The following DNAH1 variants were observed in gnomAD, a reference collection of about 807,000 sequenced individuals.
DNAH1 encodes the protein axonemal beta dynein heavy chain 1.
A neutral mutation model predicts 484.3 loss-of-function variants in DNAH1; 327 were observed. The observed-to-expected ratio is 0.68, with a 90% CI of 0.62 to 0.74. DNAH1 has a LOEUF of 0.74. Among genes scored for constraint, DNAH1 ranks in the 30% least tolerant of loss-of-function variants. DNAH1 has a pLI of 0.00. For synonymous variants in DNAH1, 2,192 were observed against 2,191.9 expected, an observed-to-expected ratio of 1.00 and a Z score of 0.00; for missense variants, 5,052 against 5,546.8, an observed-to-expected ratio of 0.91 and a Z score of 2.83.
intron 16 of DNAH1, among the ~76,000 whole-genome samples, chr3:52,351,325 C>T (rs936234813): frequency 1.3e-5 from 2 of 152,222 alleles, no homozygotes; most frequent in South Asian, 2.1e-4. Context: ...TGCCCTTTTC[C>T]TGCCAAGCCT....
chr3:52,392,787 C>A, intron 64 of DNAH1, 43 bp from the exon 65 acceptor site: 2 of 1,502,730 alleles, frequency 1.3e-6, no homozygotes, highest in Non-Finnish European at 1.8e-6. Context: ...AAACCCCCTA[C>A]CTTCTGCTCT....
Position 52,353,275 on chromosome 3 carries a change from G to A in DNAH1, c.3200G>A (p.Cys1067Tyr), listed in dbSNP as rs1469898654. The change falls in exon 19 of 78, where the codon TGC becomes TAC. Residue 1067 changes from cysteine to tyrosine, a missense_variant. By Grantham distance (194) the Cys-to-Tyr change is radical (BLOSUM62 -2). Coordinates refer to ENST00000420323, the MANE Select transcript of DNAH1 (RefSeq NM_015512.5). This position sits in a 1 kb window ranked among gnomAD's most constrained non-coding sequence, Gnocchi z 5.0. ...GAAGCCTTCAAGACCATGCACAAGT[G>A]CGTGAAGCAGTTTAAGGACATGCCA... ...VVEAFKTMHK[C>Y]VKQFKDMPAC... 6.2e-7 allele frequency: 1 copy of A among 1,613,956 alleles called. No homozygotes were observed. Among genetic ancestry groups the A allele is most frequent in the East Asian group, 2.2e-5 (1 of 44,890 alleles).
Position 52,346,576 on chromosome 3 carries a change from C to T in DNAH1, c.1761C>T (p.Asn587=). 1 of 1,614,082 alleles carries T rather than the reference C, an allele frequency of 6.2e-7. No homozygotes were observed. The highest frequency in any genetic ancestry group is 1.3e-5 in the African/African-American group (1 of 75,072). ...GCTGGTACAACCTCTACGAGACCAA[C>T]TGGGAGGTGTACCTCATGTCCAAGC... ...SKGWYNLYET[N]WEVYLMSKLR... Residue 587 remains asparagine, a synonymous_variant, in exon 11 of 78, where the codon AAC becomes AAT. Transcript: ENST00000420323.
intron 73 of DNAH1, among the ~76,000 whole-genome samples, chr3:52,397,382 TGAG>T (rs1054092693): frequency 3.9e-5 from 6 of 151,908 alleles, no homozygotes; most frequent in Non-Finnish European, 7.4e-5. Flanking sequence ...CTAAGATGTG[TGAG>T]GAGAAGCCAT....
intron 52 of DNAH1, 21 bp downstream of exon 52, chr3:52,384,052 C>G (rs774237366): frequency 6.3e-7 from 1 of 1,577,452 alleles, no homozygotes; most frequent in Admixed American, 1.8e-5. Context: ...TGCTGAAGCT[C>G]AGGCCCTTGG....
At position 52,366,811 on chromosome 3, in the gene DNAH1, A is replaced by C. The variant is rs1466976606; in HGVS notation, c.5689A>C (p.Asn1897His). The C allele has an allele frequency of 6.2e-7, 1 of 1,613,930 alleles. No homozygotes were observed. Among genetic ancestry groups the C allele is most frequent in the Non-Finnish European group, 8.5e-7 (1 of 1,179,860 alleles). ...SISGGMYEAV[N>H]YYVLNPKSIT... ...CAGTGGTGGCATGTACGAGGCTGTC[A>C]ACTACTACGTGCTCAACCCCAAGTC... The change falls in exon 36 of 78, where the codon AAC becomes CAC. Residue 1897 changes from asparagine to histidine, a missense_variant. Physicochemically the swap from Asn to His is moderately conservative, Grantham distance 68. Transcript: ENST00000420323.
Position 52,353,570 on chromosome 3 carries a change from G to A in DNAH1, c.3417G>A (p.Gln1139=). 1 of 1,612,892 alleles carries A rather than the reference G, an allele frequency of 6.2e-7. No homozygotes were observed. The highest frequency in any genetic ancestry group is 8.5e-7 in the Non-Finnish European group (1 of 1,179,482). The change falls in exon 20 of 78, where the codon CAG becomes CAA. Residue 1139 remains glutamine (Q), a synonymous_variant. Transcript: ENST00000420323. This position sits in a 1 kb window ranked among gnomAD's most constrained non-coding sequence, Gnocchi z 5.0. ...CTCGCTGCCTGGAGATGAACCTGCA[G>A]GACCATATCGAGAGCATCAGCAAGG... ...TFARCLEMNL[Q]DHIESISKVA... is the part of the protein sequence containing the mutation.
chr3:52,372,470 T>G, intron 43 of DNAH1, 83 bp downstream of exon 43: 1 of 1,557,782 alleles, frequency 6.4e-7, no homozygotes, highest in Non-Finnish European at 8.7e-7. Context: ...TCCACCAAAT[T>G]ATGCTCCTGG....
At chr3:52,325,348 C>A (rs1701298578) in intron 3 of DNAH1, among the ~76,000 whole-genome samples, 1 of 152,176 alleles carries the variant, frequency 6.6e-6, no homozygotes, top group Non-Finnish European at 1.5e-5. Flanking sequence ...GGACTCTGGA[C>A]CCTTCTTCCA....
chr3:52,332,706 C>T (rs1346603156), intron 8 of DNAH1, among the ~76,000 whole-genome samples: 6 of 152,150 alleles, frequency 3.9e-5, no homozygotes, highest in African/African-American at 1.2e-4. Flanking sequence ...ATTCCTGTGT[C>T]GCCTTACCAT....
chr3:52,372,665 C>CT (rs1703396846), intron 43 of DNAH1, among the ~76,000 whole-genome samples: 1 of 152,264 alleles, frequency 6.6e-6, no homozygotes, highest in African/African-American at 2.4e-5. Flanking sequence ...TGTTGTCCAT[C>CT]TGCCTGGGAG....
At chr3:52,377,199 C>T (rs975207881) in intron 46 of DNAH1, among the ~76,000 whole-genome samples, 1 of 152,120 alleles carries the variant, frequency 6.6e-6, no homozygotes, top group Middle Eastern at 3.2e-3. Context: ...GCCAAACTCC[C>T]GAGTACCCCG....
upstream of DNAH1, among the ~76,000 whole-genome samples, chr3:52,313,851 T>A (rs1196394029): frequency 6.6e-6 from 1 of 152,170 alleles, no homozygotes; most frequent in Non-Finnish European, 1.5e-5. Context: ...GACCCCACCG[T>A]GACACTGGGT....
rs774433583 is a variant in DNAH1 at position 52,396,848 on chromosome 3, C to T, written c.11611-20C>T. ...GGGGGACTGGGCACTTAGGGGAGCCCTCACCCACCCACCCCATAGGTCCTC... is the reference window on the plus strand; with the variant it reads ...GGGGGACTGGGCACTTAGGGGAGCCTTCACCCACCCACCCCATAGGTCCTC... On this transcript the variant is annotated intron_variant, in intron 72 of 77. Transcript: ENST00000420323. 1.2e-6 allele frequency: 2 copies of T among 1,611,982 alleles called. No individual in the cohort carries two copies. The highest frequency in any genetic ancestry group is 1.3e-5 in the African/African-American group (1 of 74,960).
rs1029441617 is a variant in DNAH1 at position 52,322,674 on chromosome 3, C to T, written c.232C>T (p.Arg78Trp). 2.7e-5 allele frequency: 43 copies of T among 1,613,876 alleles called. No homozygotes were observed. In the East Asian group the frequency reaches 7.8e-4, roughly 29 times the overall value. ...CACACTCTCAGACTTGGGGCAGCCA[C>T]GGAAGTCACCCCTGACAGGCACTGA... The part of the protein sequence containing the change: ...PPTLSDLGQP[R>W]KSPLTGTDKK... Residue 78 changes from arginine (R) to tryptophan (W), a missense_variant, in exon 2 of 78, where the codon CGG becomes TGG. Arg to Trp is a moderately radical substitution (Grantham distance 101, BLOSUM62 -3). Around this residue, in one of 4 missense-constraint regions of DNAH1, gnomAD observed 1,263 missense variants for 1,218.8 expected, o/e 1.04. Coordinates refer to ENST00000420323, the MANE Select transcript of DNAH1 (RefSeq NM_015512.5).
At position 52,381,877 on chromosome 3, in the gene DNAH1, G is replaced by A. The variant is rs541411281; in HGVS notation, c.7805+41G>A. The A allele has an allele frequency of 9.9e-5, 152 of 1,537,536 alleles. 1 individual carries two copies. In the South Asian group the frequency reaches 1.7e-3, roughly 18 times the overall value. On this transcript the variant is annotated intron_variant, in intron 49 of 77. Transcript: ENST00000420323. This position sits in a 1 kb window ranked among gnomAD's most constrained non-coding sequence, Gnocchi z 4.1. ...GCGTGCTGGGCAGTGGGCGGCCAGGGCTGGCTGGTCGGTTTGACTGACCCA... is the reference window on the plus strand; with the variant it reads ...GCGTGCTGGGCAGTGGGCGGCCAGGACTGGCTGGTCGGTTTGACTGACCCA...
Position 52,400,303 on chromosome 3 carries a change from T to C in DNAH1, c.12677-22T>C, listed in dbSNP as rs774462782. The C allele has an allele frequency of 2.5e-6, 4 of 1,613,184 alleles. No individual in the cohort carries two copies. In the South Asian group the frequency reaches 3.3e-5, roughly 13 times the overall value. Reference sequence around the variant, plus strand: ...TAGTAATAGGGCATGACCTAACCCGTCCCCCTCCTTGCCCATTCCAGGAAC... The same window carrying C: ...TAGTAATAGGGCATGACCTAACCCGCCCCCCTCCTTGCCCATTCCAGGAAC... On this transcript the variant is annotated intron_variant, in intron 77 of 77. Coordinates refer to ENST00000420323, the MANE Select transcript of DNAH1 (RefSeq NM_015512.5).
rs1402387797 is a variant in DNAH1, at chr3:52,383,973, C to G, written c.8264C>G (p.Thr2755Ser). The change falls in exon 52 of 78, where the codon ACC (threonine) becomes AGC (serine). Residue 2755 changes from threonine (T) to serine (S), a missense_variant. Transcript: ENST00000420323. ...WPAEALKSVA[T>S]VFLNEIPELE... Reference sequence around the variant, plus strand: ...GCAGAAGCCCTGAAGTCTGTGGCCACCGTGTTCCTCAATGAGATCCCAGAA... The same window carrying G: ...GCAGAAGCCCTGAAGTCTGTGGCCAGCGTGTTCCTCAATGAGATCCCAGAA... 1.2e-6 allele frequency: 2 copies of G among 1,611,470 alleles called. No individual in the cohort carries two copies. The highest frequency in any genetic ancestry group is 1.7e-6 in the Non-Finnish European group (2 of 1,178,810).
chr3:52,384,971 C>A lies in DNAH1; in HGVS notation c.8508C>A (p.Leu2836=), dbSNP rs200315265. The A allele has an allele frequency of 4.3e-6, 7 of 1,612,398 alleles. No homozygotes were observed. The East Asian group carries it at 1.6e-4, about 36-fold the overall frequency. The change falls in exon 53 of 78, where the codon CTC becomes CTA. Residue 2836 remains leucine, a synonymous_variant. Transcript: ENST00000420323. ...CCAAGAACCGCATGAAGAGCGGCCT[C>A]GACAAGGTGGGCCCAGGCGAGTCCC... ...KTAKNRMKSG[L]DKLLRTSEDV...
Sources: allele counts gnomAD v4.1 joint callset (sites outside exome capture counted in the v4.1 genomes callset), GRCh38; gene constraint gnomAD v4.1.1; regional missense constraint gnomAD v4.1.1; non-coding constraint Gnocchi (gnomAD v3.1); transcripts MANE v1.5; gene names NCBI Gene and HGNC (gene_info 2026-07-23, HGNC 2026-07-21).